Variants in TTC34 observed in about 807,000 individuals in gnomAD.
TTC34 encodes tetratricopeptide repeat protein 34.
In TTC34, 44 loss-of-function variants were observed where a neutral mutation model predicts 40.7. That is an observed-to-expected ratio of 1.08 (90% CI 0.85 to 1.39). The LOEUF (loss-of-function observed/expected upper bound fraction) is 1.39. TTC34 is among the 40% of genes most tolerant of loss of function. TTC34 has a pLI of 0.00. For missense variants in TTC34, 884 were observed against 838.0 expected, an observed-to-expected ratio of 1.05 and a Z score of -0.68; for synonymous variants, 422 against 398.6, an observed-to-expected ratio of 1.06 and a Z score of -0.70.
intron 6 of TTC34, among the ~76,000 whole-genome samples, chr1:2,687,109 G>T (rs1405792026): frequency 1.1e-4 from 16 of 145,126 alleles, no homozygotes; most frequent in East Asian, 4.0e-4. Flanking sequence ...CGACATCGTG[G>T]AGTAGCACCC....
intron 6 of TTC34, among the ~76,000 whole-genome samples, chr1:2,652,051 T>C (rs1321186481): frequency 1.9e-5 from 1 of 52,642 alleles, no homozygotes; most frequent in Non-Finnish European, 4.1e-5. Context: ...CACCCACAGG[T>C]GAGCATCTGA....
At chr1:2,761,584 T>A in intron 6 of TTC34, among the ~76,000 whole-genome samples, 1 of 73,512 alleles carries the variant, frequency 1.4e-5, no homozygotes, top group Non-Finnish European at 2.3e-5. Flanking sequence ...GGTGAGAATA[T>A]GACAGCCTGA....
At chr1:2,752,495 C>G (rs1641355571) in intron 6 of TTC34, among the ~76,000 whole-genome samples, 1 of 143,622 alleles carries the variant, frequency 7.0e-6, no homozygotes, top group African/African-American at 2.6e-5. Context: ...CCCACACAGC[C>G]AGGTGAGCAT....
At chr1:2,692,989 A>C (rs1215091751) in intron 6 of TTC34, among the ~76,000 whole-genome samples, 21 of 33,914 alleles carry the variant, frequency 6.2e-4, no homozygotes, top group South Asian at 2.0e-3. Flanking sequence ...CCCACAGACC[A>C]AGGTGAGCAT....
rs1639010595 is a variant in TTC34, at chr1:2,645,792, C to A, written c.2227-229G>T. Among the ~76,000 whole-genome samples, 1 of 152,046 alleles carries A rather than the reference C, an allele frequency of 6.6e-6. No homozygotes were observed. Among genetic ancestry groups the A allele is most frequent in the African/African-American group, 2.4e-5 (1 of 41,416 alleles). On this transcript the variant is annotated intron_variant, in intron 6 of 8. Transcript: ENST00000401095. The surrounding 1 kb of genome is among the most constrained non-coding windows in gnomAD (Gnocchi z 4.7). Reference sequence around the variant, plus strand: ...ATTTGAGGGGACTCAGCTCACTGACCTTGACTCTGAAAGTTGTCAGGCTCA... The same window carrying A: ...ATTTGAGGGGACTCAGCTCACTGACATTGACTCTGAAAGTTGTCAGGCTCA...
chr1:2,750,371 G>A lies in TTC34; in HGVS notation c.2226+33238C>T, dbSNP rs1426337234. Among the ~76,000 whole-genome samples, 3 of 108,854 alleles carry A rather than the reference G, an allele frequency of 2.8e-5. No individual in the cohort carries two copies. In the Admixed American group the frequency reaches 2.9e-4, roughly 11 times the overall value. The allele number at this position is 108,854 out of a possible 152,430, so 71.4% of individuals were successfully genotyped here. A position where few individuals can be genotyped will look rare whatever the true frequency, so the allele number is the denominator to read the frequency against. On this transcript the variant is annotated intron_variant, in intron 6 of 8. Transcript: ENST00000401095. The stretch of plus-strand genomic sequence containing the variant: ...CTTGAACAGCACCCTGCACCCCGAG[G>A]TGAGCATCTGACAGCCTGGAACAGC...
chr1:2,637,835 G>GT (rs1280818763), exon 9 of TTC34: 2 of 152,354 alleles, frequency 1.3e-5, no homozygotes, highest in Admixed American at 1.3e-4. Context: ...CGGATGCACA[G>GT]TTTAACTCTG....
chr1:2,750,664 C>A (rs1569690416), intron 6 of TTC34, among the ~76,000 whole-genome samples: 2 of 118,058 alleles, frequency 1.7e-5, no homozygotes, highest in African/African-American at 3.5e-5. Flanking sequence ...GAGCATCTGA[C>A]AGCCTGGAAC....
At chr1:2,769,634 C>G (rs527863793) in intron 6 of TTC34, among the ~76,000 whole-genome samples, 1 of 140,584 alleles carries the variant, frequency 7.1e-6, no homozygotes, top group Non-Finnish European at 1.5e-5. Flanking sequence ...CCCACACCCC[C>G]AGGTGAGCAT....
At chr1:2,753,475 C>A (rs1189808446) in intron 6 of TTC34, among the ~76,000 whole-genome samples, 1 of 93,774 alleles carries the variant, frequency 1.1e-5, no homozygotes, top group Non-Finnish European at 1.9e-5. Flanking sequence ...GTGCACGTGA[C>A]AGCTTGGATC....
intron 6 of TTC34, among the ~76,000 whole-genome samples, chr1:2,777,759 G>A (rs1337383382): frequency 5.3e-5 from 8 of 151,756 alleles, no homozygotes; most frequent in African/African-American, 1.9e-4. Context: ...GCGAGGGCCT[G>A]CTGCTCCTAC....
At chr1:2,686,689 G>A (rs1640367291) in intron 6 of TTC34, among the ~76,000 whole-genome samples, 6 of 143,662 alleles carry the variant, frequency 4.2e-5, no homozygotes, top group South Asian at 4.6e-4. Context: ...GCACCCCCAG[G>A]TGCGCACGTG....
chr1:2,757,636 G>T (rs1641550186), intron 6 of TTC34, among the ~76,000 whole-genome samples: 4 of 146,806 alleles, frequency 2.7e-5, no homozygotes, highest in Non-Finnish European at 1.5e-5. Flanking sequence ...CACACCCCCA[G>T]GTGAGCATCC....
intron 2 of TTC34, among the ~76,000 whole-genome samples, chr1:2,797,418 C>T (rs1054654017): frequency 3.9e-5 from 6 of 152,128 alleles, no homozygotes; most frequent in Non-Finnish European, 7.4e-5. Flanking sequence ...CTGCCTCTGT[C>T]GGGAGCCTTG....
intron 6 of TTC34, among the ~76,000 whole-genome samples, chr1:2,755,770 A>C (rs1421473142): frequency 5.5e-4 from 54 of 98,616 alleles, no homozygotes; most frequent in Middle Eastern, 5.4e-3. Context: ...GACAGCCTGG[A>C]ACGGCACCCA....
At chr1:2,688,063 G>T in intron 6 of TTC34, among the ~76,000 whole-genome samples, 1 of 151,756 alleles carries the variant, frequency 6.6e-6, no homozygotes, top group African/African-American at 2.4e-5. Context: ...GTAAGCATCT[G>T]ACAGCCTGGA....
intron 4 of TTC34, among the ~76,000 whole-genome samples, chr1:2,786,483 G>A (rs146649502): frequency 1.3e-5 from 2 of 152,182 alleles, no homozygotes; most frequent in East Asian, 1.9e-4. Context: ...TCGTGAGCCC[G>A]CTCTGGGCTG....
exon 9 of TTC34, chr1:2,641,767 C>A: frequency 6.5e-7 from 1 of 1,535,266 alleles, no homozygotes. Context: ...GCAACTCGGC[C>A]AGGCAGGTGG....
intron 6 of TTC34, among the ~76,000 whole-genome samples, chr1:2,651,996 A>C (rs1639150565): frequency 6.9e-6 from 1 of 143,950 alleles, no homozygotes; most frequent in African/African-American, 2.6e-5. Context: ...CTGGAGCAGC[A>C]TCCATACCCC....
Sources: allele counts gnomAD v4.1 joint callset (sites outside exome capture counted in the v4.1 genomes callset), GRCh38; gene constraint gnomAD v4.1.1; non-coding constraint Gnocchi (gnomAD v3.1); transcripts MANE v1.5; gene names NCBI Gene and HGNC (gene_info 2026-07-23, HGNC 2026-07-21).